Variants in GRAMD1C observed in about 807,000 individuals in gnomAD.
GRAMD1C encodes protein Aster-C.
Under a neutral mutation model 97.8 loss-of-function variants are expected in GRAMD1C, and 89 were observed. The ratio of observed to expected loss-of-function variants is 0.91; its 90% CI spans 0.77 to 1.09. The LOEUF is 1.09. Among genes scored for constraint, GRAMD1C ranks in the 50% least tolerant of loss-of-function variants. The probability of loss-of-function intolerance (pLI) is 0.00; values close to 1 mark genes in which losing one functional copy is unlikely to be tolerated. For missense variants in GRAMD1C, 740 were observed against 766.4 expected (o/e 0.97, Z 0.41); for synonymous variants, 256 against 267.0 (o/e 0.96, Z 0.40).
At chr3:113,885,174 CT>C in intron 6 of GRAMD1C, 1 of 626,366 alleles carries the variant, frequency 1.6e-6, no homozygotes, top group Admixed American at 2.8e-5. Flanking sequence ...CCGTGCCCCT[CT>C]CTGCATTCTC....
chr3:113,939,647 G>A (rs1030255945), intron 15 of GRAMD1C: 12 of 351,372 alleles, frequency 3.4e-5, no homozygotes, highest in African/African-American at 1.7e-4. Flanking sequence ...CTGTGAGTTC[G>A]GATTATTCAA....
At chr3:113,943,703 C>A (rs938345176) in intron 17 of GRAMD1C, among the ~76,000 whole-genome samples, 7 of 152,172 alleles carry the variant, frequency 4.6e-5, no homozygotes, top group African/African-American at 1.7e-4. Flanking sequence ...TGCCTGAGCT[C>A]AGAAGTTTGA....
At chr3:113,854,445 G>T (rs1009365129) in intron 2 of GRAMD1C, among the ~76,000 whole-genome samples, 5 of 152,174 alleles carry the variant, frequency 3.3e-5, no homozygotes, top group Non-Finnish European at 7.4e-5. Context: ...CTTAAAAAGC[G>T]TGGTGTCCTC....
At position 113,833,123 on chromosome 3, in the gene GRAMD1C, T is replaced by TC. The variant is rs1206763478; in HGVS notation, n.98+4844_98+4845insC. 9.8e-3 allele frequency among the ~76,000 whole-genome samples: 1,427 copies of TC among 145,884 alleles called. 24 individuals are homozygous for TC. The highest frequency in any genetic ancestry group is 0.032 in the African/African-American group (1,248 of 38,410). Reference sequence around the variant, plus strand: ...TCTTTTCTTTCTTTCTTTCTTTCTTTTTTTTTTTTTTTGTGTGTGTGCGTG... The same window carrying TC: ...TCTTTTCTTTCTTTCTTTCTTTCTTTCTTTTTTTTTTTTGTGTGTGTGCGTG... On this transcript the variant is annotated intron_variant and non_coding_transcript_variant, in intron 1 of 18. Coordinates refer to the GRAMD1C transcript ENST00000479212.
At chr3:113,934,124 A>G (rs188585969) in intron 12 of GRAMD1C, among the ~76,000 whole-genome samples, 3 of 152,288 alleles carry the variant, frequency 2.0e-5, no homozygotes, top group Admixed American at 1.3e-4. Flanking sequence ...GAGATTTTTT[A>G]TACAAGGAAT....
chr3:113,910,693 A>G lies in GRAMD1C; in HGVS notation c.952+1573A>G, dbSNP rs118090730. ...CCAAAATATCACCTTTTATACTAAT[A>G]GTAACAAAGTCAACGGATGTGGGTA... On this transcript the variant is annotated intron_variant, in intron 9 of 17. Coordinates refer to ENST00000358160, the MANE Select transcript of GRAMD1C (RefSeq NM_017577.5). Among the ~76,000 whole-genome samples, 20 of 152,342 alleles carry G rather than the reference A, an allele frequency of 1.3e-4. No individual in the cohort carries two copies. In the East Asian group the frequency reaches 2.9e-3, roughly 22 times the overall value.
At chr3:113,838,479 G>A (rs1709677348), upstream of GRAMD1C, 1 of 160,454 alleles carries the variant, frequency 6.2e-6, no homozygotes, top group African/African-American at 2.4e-5. Context: ...GGCTGAGGCA[G>A]GAGAATCGCT....
At chr3:113,837,164 GC>G (rs1336449562), upstream of GRAMD1C, among the ~76,000 whole-genome samples, 1 of 148,618 alleles carries the variant, frequency 6.7e-6, no homozygotes, top group Non-Finnish European at 1.5e-5. Flanking sequence ...TGGAGATGGG[GC>G]CCCCCTGTTT....
At chr3:113,834,457 G>A (rs540955674), upstream of GRAMD1C, among the ~76,000 whole-genome samples, 29 of 152,010 alleles carry the variant, frequency 1.9e-4, no homozygotes, top group African/African-American at 7.0e-4. Flanking sequence ...GGGATTACAG[G>A]CATGAGCCAC....
rs754829367 is a variant in GRAMD1C at position 113,915,799 on chromosome 3, C to T, written c.1051C>T (p.Arg351Cys). Reference sequence around the variant, plus strand: ...GTTTGAATTGCTCTTTACCAGTTCACGCTTTATGCAGAAATTTGCCAGTTC... The same window carrying T: ...GTTTGAATTGCTCTTTACCAGTTCATGCTTTATGCAGAAATTTGCCAGTTC... ...RMFELLFTSS[R>C]FMQKFASSRN... The change falls in exon 10 of 18, where the codon CGC (arginine) becomes TGC (cysteine). Residue 351 changes from arginine (R) to cysteine (C), a missense_variant. Coordinates refer to ENST00000358160, the MANE Select transcript of GRAMD1C (RefSeq NM_017577.5). 6.2e-6 allele frequency: 10 copies of T among 1,610,670 alleles called. No homozygotes were observed. Among genetic ancestry groups the T allele is most frequent in the Admixed American group, 1.7e-5 (1 of 59,940 alleles).
At chr3:113,902,940 C>G (rs912153627) in intron 7 of GRAMD1C, among the ~76,000 whole-genome samples, 12 of 151,542 alleles carry the variant, frequency 7.9e-5, no homozygotes, top group Non-Finnish European at 1.8e-4. Flanking sequence ...CTGCACCTGG[C>G]CTGAATGCTT....
chr3:113,849,848 C>T lies in GRAMD1C; in HGVS notation c.174+5199C>T, dbSNP rs551040479. Among the ~76,000 whole-genome samples, 437 of 152,238 alleles carry T rather than the reference C, an allele frequency of 2.9e-3. 4 individuals are homozygous for T. Among genetic ancestry groups the T allele is most frequent in the African/African-American group, 9.8e-3 (409 of 41,568 alleles). On this transcript the variant is annotated intron_variant, in intron 2 of 17. Transcript: ENST00000358160. ...GGGTGGTGGCCTGGCAGAGGGGCTC[C>T]TCACTTCCCAGTAGGGGCGGCCGGG...
At chr3:113,839,071 C>A (rs1023416794) in intron 1 of GRAMD1C, 135 bp downstream of exon 1, 3 of 573,688 alleles carry the variant, frequency 5.2e-6, no homozygotes, top group Non-Finnish European at 7.7e-6. Context: ...TGGAGTAATA[C>A]GGAAAGTTGT....
At chr3:113,840,255 C>T (rs1198272549) in intron 1 of GRAMD1C, among the ~76,000 whole-genome samples, 2 of 152,156 alleles carry the variant, frequency 1.3e-5, no homozygotes, top group Non-Finnish European at 2.9e-5. Flanking sequence ...CTTGAGCCAC[C>T]ACCGCGCCCG....
chr3:113,865,411 T>C (rs1459415654), intron 2 of GRAMD1C, among the ~76,000 whole-genome samples: 1 of 152,196 alleles, frequency 6.6e-6, no homozygotes, highest in African/African-American at 2.4e-5. Flanking sequence ...CCACAGATAC[T>C]GAATCACTGA....
At chr3:113,889,931 C>A (rs1483369214) in intron 6 of GRAMD1C, among the ~76,000 whole-genome samples, 1 of 152,178 alleles carries the variant, frequency 6.6e-6, no homozygotes, top group Non-Finnish European at 1.5e-5. Context: ...AGCCTCCACC[C>A]AGACAAGAAA....
At chr3:113,856,685 G>C (rs748647511) in intron 2 of GRAMD1C, among the ~76,000 whole-genome samples, 2 of 151,726 alleles carry the variant, frequency 1.3e-5, no homozygotes, top group Non-Finnish European at 2.9e-5. Flanking sequence ...GATTACAGGC[G>C]CGTGCCACCA....
chr3:113,829,568 T>C (rs912711487), intron 1 of GRAMD1C, among the ~76,000 whole-genome samples: 3 of 152,204 alleles, frequency 2.0e-5, no homozygotes, highest in Admixed American at 2.0e-4. Context: ...TGAGTTATAA[T>C]AGTTTTTAAT....
At chr3:113,836,997 C>A (rs1709641089), upstream of GRAMD1C, among the ~76,000 whole-genome samples, 1 of 152,120 alleles carries the variant, frequency 6.6e-6, no homozygotes, top group Non-Finnish European at 1.5e-5. Flanking sequence ...ATACATAAAT[C>A]ATTAATTATC....
Sources: gnomAD v4.1 joint callset for allele counts (sites outside exome capture counted in the v4.1 genomes callset) on GRCh38, gnomAD v4.1.1 for gene constraint, MANE v1.5 for transcripts, NCBI Gene and HGNC (gene_info 2026-07-23, HGNC 2026-07-21) for gene names.